The following KHDRBS2 variants were observed in gnomAD, a reference collection of about 807,000 sequenced individuals.
KHDRBS2 encodes KH RNA binding domain containing, signal transduction associated 2, also known as KH domain-containing, RNA-binding, signal transduction-associated protein 2.
KHDRBS2 carries 26 observed loss-of-function variants against 44.3 expected under a neutral mutation model. The observed-to-expected ratio is 0.59, with a 90% CI of 0.43 to 0.81. The LOEUF (loss-of-function observed/expected upper bound fraction) is 0.81, where lower values mean the gene tolerates loss of function less well. Ranked by LOEUF, KHDRBS2 falls within the 40% of genes least tolerant of loss-of-function variation. KHDRBS2 has a pLI of 0.00. For synonymous variants in KHDRBS2, 194 were observed against 151.1 expected (o/e 1.28, Z -2.08); for missense variants, 476 against 433.1 (o/e 1.10, Z -0.88).
At chr6:62,148,925 A>C (rs1228611605) in intron 2 of KHDRBS2, among the ~76,000 whole-genome samples, 1 of 152,090 alleles carries the variant, frequency 6.6e-6, no homozygotes, top group Admixed American at 6.6e-5. Flanking sequence ...TCACGTGTGA[A>C]TGGCTAATCA....
At chr6:62,246,135 T>A (rs867212238) in intron 1 of KHDRBS2, among the ~76,000 whole-genome samples, 19 of 136,700 alleles carry the variant, frequency 1.4e-4, no homozygotes, top group East Asian at 4.4e-4. Context: ...TATATATATA[T>A]AATCAATGTT....
chr6:61,621,841 C>T, the KHDRBS2 span, among the ~76,000 whole-genome samples: 1 of 152,102 alleles, frequency 6.6e-6, no homozygotes, highest in Admixed American at 6.5e-5. Flanking sequence ...TCTTGCTAGC[C>T]TTGAAGAAGC....
At chr6:62,168,120 T>C (rs1167507480) in intron 2 of KHDRBS2, among the ~76,000 whole-genome samples, 2 of 152,112 alleles carry the variant, frequency 1.3e-5, no homozygotes, top group African/African-American at 4.8e-5. Flanking sequence ...TTTAAACACA[T>C]TTTGGAACTT....
intron 4 of KHDRBS2, among the ~76,000 whole-genome samples, chr6:61,909,169 A>C (rs1184453099): frequency 6.6e-6 from 1 of 151,398 alleles, no homozygotes; most frequent in African/African-American, 2.4e-5. Flanking sequence ...TAGGCTCAAG[A>C]GATTCTCCCA....
intron 4 of KHDRBS2, among the ~76,000 whole-genome samples, chr6:61,926,090 TA>T (rs1808919395): frequency 6.6e-6 from 1 of 152,186 alleles, no homozygotes; most frequent in African/African-American, 2.4e-5. Context: ...TAATGTTATA[TA>T]AAAGTACTGT....
chr6:62,169,862 G>A (rs185312847), intron 2 of KHDRBS2, among the ~76,000 whole-genome samples: 2 of 152,048 alleles, frequency 1.3e-5, no homozygotes, highest in Non-Finnish European at 2.9e-5. Flanking sequence ...GGAAGCCACA[G>A]TTGCAATGTG....
chr6:61,920,245 C>A (rs1218844517), intron 4 of KHDRBS2, among the ~76,000 whole-genome samples: 4 of 151,892 alleles, frequency 2.6e-5, no homozygotes, highest in Non-Finnish European at 5.9e-5. Context: ...GACATTGACA[C>A]TTTGTGGCTT....
the KHDRBS2 span, among the ~76,000 whole-genome samples, chr6:61,558,335 G>C: frequency 6.6e-6 from 1 of 152,114 alleles, no homozygotes; most frequent in African/African-American, 2.4e-5. Context: ...GCTGAGGTAG[G>C]TGTGTTGCTT....
At chr6:62,049,103 C>G (rs934895650) in intron 2 of KHDRBS2, among the ~76,000 whole-genome samples, 2 of 151,762 alleles carry the variant, frequency 1.3e-5, no homozygotes, top group Non-Finnish European at 2.9e-5. Flanking sequence ...GCTCTTACCC[C>G]TTTTATTCAA....
intron 2 of KHDRBS2, among the ~76,000 whole-genome samples, chr6:62,083,837 G>A (rs1797891941): frequency 6.6e-6 from 1 of 152,182 alleles, no homozygotes; most frequent in South Asian, 2.1e-4. Flanking sequence ...ATAGGCTTGT[G>A]AAAAGCTGTT....
intron 2 of KHDRBS2, among the ~76,000 whole-genome samples, chr6:62,172,353 T>C (rs184708225): frequency 6.6e-6 from 1 of 152,152 alleles, no homozygotes; most frequent in East Asian, 1.9e-4. Context: ...CATTATATAA[T>C]AGAAGGGTTC....
chr6:61,720,918 G>T (rs569672613), intron 7 of KHDRBS2, among the ~76,000 whole-genome samples: 2 of 149,332 alleles, frequency 1.3e-5, no homozygotes, highest in South Asian at 2.1e-4. Flanking sequence ...TTAGGTCTAA[G>T]GTTTAAGTCT....
intron 8 of KHDRBS2, among the ~76,000 whole-genome samples, chr6:61,681,682 G>A (rs1232312284): frequency 6.6e-6 from 1 of 151,842 alleles, no homozygotes; most frequent in Non-Finnish European, 1.5e-5. Flanking sequence ...AAACAACTCA[G>A]TAAATAAAGA....
chr6:61,636,935 G>T, the KHDRBS2 span, among the ~76,000 whole-genome samples: 2 of 152,194 alleles, frequency 1.3e-5, no homozygotes, highest in South Asian at 4.1e-4. Flanking sequence ...AAAAACCTAT[G>T]TGACATAGAA....
chr6:62,176,424 G>A (rs920956069), intron 2 of KHDRBS2, among the ~76,000 whole-genome samples: 1 of 151,230 alleles, frequency 6.6e-6, no homozygotes, highest in African/African-American at 2.4e-5. Context: ...GTAAACCAGA[G>A]CATTTATTTC....
At chr6:62,151,163 C>A (rs181888215) in intron 2 of KHDRBS2, among the ~76,000 whole-genome samples, 1 of 152,084 alleles carries the variant, frequency 6.6e-6, no homozygotes, top group South Asian at 2.1e-4. Flanking sequence ...GATGAATTGC[C>A]GAGATATTTA....
At chr6:61,643,675 A>G in the KHDRBS2 span, among the ~76,000 whole-genome samples, 2 of 152,150 alleles carry the variant, frequency 1.3e-5, no homozygotes, top group Non-Finnish European at 2.9e-5. Context: ...GCCATGCCAA[A>G]GCCAAATCAA....
the KHDRBS2 span, among the ~76,000 whole-genome samples, chr6:61,624,725 G>A: frequency 6.6e-6 from 1 of 152,112 alleles, no homozygotes; most frequent in South Asian, 2.1e-4. Flanking sequence ...GGCAATGCTG[G>A]ACAAGGGTGG....
Position 61,680,912 on chromosome 6 carries a change from A to G in KHDRBS2, c.*51T>C. 11 of 1,163,354 alleles carry G rather than the reference A, an allele frequency of 9.5e-6. 1 individual carries two copies. Among genetic ancestry groups the G allele is most frequent in the Non-Finnish European group, 1.4e-5 (11 of 782,644 alleles). The allele number at this position is 1,163,354 out of a possible 1,614,324, so 72.1% of individuals were successfully genotyped here. The stretch of plus-strand genomic sequence containing the variant: ...TTGTCTTGTTGCTGTTTATGTGGAG[A>G]CCACAGGCTATGAATTGTCTTTGAG... On this transcript the variant is annotated 3_prime_UTR_variant, in exon 9 of 9. Transcript: ENST00000281156.
Sources: gnomAD v4.1 joint callset for allele counts (sites outside exome capture counted in the v4.1 genomes callset) on GRCh38, gnomAD v4.1.1 for gene constraint, MANE v1.5 for transcripts, NCBI Gene and HGNC (gene_info 2026-07-23, HGNC 2026-07-21) for gene names.